Variants in DOCK10 observed in about 807,000 individuals in gnomAD.
The protein encoded by DOCK10 is dedicator of cytokinesis 10.
A neutral mutation model predicts 280.1 loss-of-function variants in DOCK10; 145 were observed. The ratio of observed to expected loss-of-function variants is 0.52; its 90% confidence interval spans 0.45 to 0.59. The LOEUF is 0.59. Among genes scored for constraint, DOCK10 ranks in the 20% least tolerant of loss-of-function variants. DOCK10 has a pLI of 0.00. For synonymous variants in DOCK10, 915 were observed against 942.2 expected (o/e 0.97, Z 0.53); for missense variants, 2,368 against 2,651.7 (o/e 0.89, Z 2.35).
At chr2:224,854,831 A>T in intron 16 of DOCK10, 132 bp downstream of exon 16, 1 of 612,514 alleles carries the variant, frequency 1.6e-6, no homozygotes, top group Non-Finnish European at 2.8e-6. Flanking sequence ...AAAAAAACCC[A>T]AAACCTTGTA....
At chr2:224,801,282 C>CAAAAAAAAAAAAA (rs3083075) in intron 40 of DOCK10, among the ~76,000 whole-genome samples, 1 of 74,646 alleles carries the variant, frequency 1.3e-5, no homozygotes, top group Non-Finnish European at 2.5e-5. Flanking sequence ...CAAGACATGG[C>CAAAAAAAAAAAAA]AAAAAAAAAA....
At chr2:225,027,864 A>C (rs1459544984) in intron 1 of DOCK10, among the ~76,000 whole-genome samples, 1 of 152,204 alleles carries the variant, frequency 6.6e-6, no homozygotes, top group East Asian at 1.9e-4. Flanking sequence ...CTAATTTTAC[A>C]AGGATAAAAG....
Position 224,874,250 on chromosome 2 carries a change from A to C in DOCK10, c.1101+16T>G. On this transcript the variant is annotated intron_variant, in intron 10 of 55. Coordinates refer to ENST00000258390, the MANE Select transcript of DOCK10 (RefSeq NM_014689.3). ...TGGATCAAGTTCATATCTGCTTAGAAAAAATTTTGACTTACATCTATGTCT... is the reference window on the plus strand; with the variant it reads ...TGGATCAAGTTCATATCTGCTTAGACAAAATTTTGACTTACATCTATGTCT... 1 of 1,610,226 alleles carries C rather than the reference A, an allele frequency of 6.2e-7. No homozygotes were observed. The highest frequency in any genetic ancestry group is 8.5e-7 in the Non-Finnish European group (1 of 1,178,128).
chr2:224,825,013 T>C (rs969631474), intron 27 of DOCK10, among the ~76,000 whole-genome samples: 1 of 147,112 alleles, frequency 6.8e-6, no homozygotes, highest in Non-Finnish European at 1.5e-5. Flanking sequence ...GGAGTTTCGC[T>C]CTGTTGTCCA....
chr2:224,867,263 T>C (rs951264543), intron 11 of DOCK10, among the ~76,000 whole-genome samples: 7 of 152,242 alleles, frequency 4.6e-5, no homozygotes, highest in Non-Finnish European at 8.8e-5. Context: ...GAATGCGGGA[T>C]CTCATTACCA....
At chr2:224,994,801 AAAAT>A (rs1340932940) in intron 1 of DOCK10, among the ~76,000 whole-genome samples, 4 of 152,228 alleles carry the variant, frequency 2.6e-5, no homozygotes, top group Non-Finnish European at 5.9e-5. Flanking sequence ...CACAATGCAT[AAAAT>A]AAATCTGTGT....
chr2:224,858,682 A>G (rs925185755), intron 14 of DOCK10, among the ~76,000 whole-genome samples: 1 of 152,176 alleles, frequency 6.6e-6, no homozygotes, highest in Non-Finnish European at 1.5e-5. Flanking sequence ...TATATCTGGC[A>G]GGAGAAAAAA....
chr2:225,035,105 C>G (rs547232430), intron 1 of DOCK10, among the ~76,000 whole-genome samples: 1 of 152,302 alleles, frequency 6.6e-6, no homozygotes, highest in African/African-American at 2.4e-5. Context: ...GGGACTTCAT[C>G]AAGGGTCACA....
chr2:224,777,235 G>A (rs116496681), intron 51 of DOCK10, among the ~76,000 whole-genome samples: 2,500 of 152,222 alleles, frequency 0.016, 72 homozygotes, highest in African/African-American at 0.057. Context: ...AAAGTATGGC[G>A]TAGTGTGATG....
intron 1 of DOCK10, among the ~76,000 whole-genome samples, chr2:225,012,260 C>T (rs1044043247): frequency 6.6e-6 from 1 of 152,136 alleles, no homozygotes; most frequent in African/African-American, 2.4e-5. Flanking sequence ...CTGGACCAGA[C>T]TGAAATGAAC....
intron 11 of DOCK10, among the ~76,000 whole-genome samples, chr2:224,871,813 T>C (rs1698307402): frequency 1.3e-5 from 2 of 152,194 alleles, no homozygotes; most frequent in African/African-American, 4.8e-5. Flanking sequence ...AGTAACCCTT[T>C]CCTGAATTCC....
At chr2:224,979,154 C>T (rs1705614899) in intron 1 of DOCK10, among the ~76,000 whole-genome samples, 1 of 152,214 alleles carries the variant, frequency 6.6e-6, no homozygotes, top group South Asian at 2.1e-4. Context: ...TTCCCTGCTT[C>T]AGGACCTCCC....
In DOCK10 at chr2:224,793,471, G is replaced by T. The variant is rs1372416692; in HGVS notation, c.5155-14C>A. On this transcript the variant is annotated splice_polypyrimidine_tract_variant and intron_variant, in intron 45 of 55. Coordinates refer to ENST00000258390, the MANE Select transcript of DOCK10 (RefSeq NM_014689.3). ...ACACATGGCAGCCTGTAATGAGAAA[G>T]AAAATAAAGAGGCTCAGGGGATGGA... is the stretch of plus-strand genomic sequence containing the variant. 1.9e-6 allele frequency: 3 copies of T among 1,610,212 alleles called. No individual in the cohort carries two copies. Among genetic ancestry groups the T allele is most frequent in the Non-Finnish European group, 2.5e-6 (3 of 1,177,224 alleles).
intron 1 of DOCK10, among the ~76,000 whole-genome samples, chr2:224,998,087 G>T (rs1223410589): frequency 6.6e-6 from 1 of 152,124 alleles, no homozygotes. Flanking sequence ...AGGAACACAT[G>T]CCCGTATTTC....
At chr2:224,959,509 C>G (rs1006608856) in intron 1 of DOCK10, among the ~76,000 whole-genome samples, 1 of 149,572 alleles carries the variant, frequency 6.7e-6, no homozygotes, top group Non-Finnish European at 1.5e-5. Context: ...GCTCCTCTTT[C>G]TCCACATTTA....
intron 18 of DOCK10, among the ~76,000 whole-genome samples, chr2:224,851,461 A>T (rs370347053): frequency 1.0e-4 from 14 of 138,052 alleles, no homozygotes; most frequent in South Asian, 4.5e-4. Flanking sequence ...TTTTTTTTAA[A>T]AAAAAAAAAA....
intron 51 of DOCK10, among the ~76,000 whole-genome samples, chr2:224,775,637 A>C (rs541316748): frequency 1.3e-4 from 20 of 152,104 alleles, no homozygotes; most frequent in Admixed American, 3.3e-4. Context: ...CACCACACCT[A>C]GCTAATTTTT....
In DOCK10 at chr2:225,035,541, AT is replaced by A. The variant is rs1296639820; in HGVS notation, c.123+6710del. On this transcript the variant is annotated intron_variant, in intron 1 of 55. Coordinates refer to ENST00000258390, the MANE Select transcript of DOCK10 (RefSeq NM_014689.3). ...ATAGATCTTATATGATATGATATAT[AT>A]TATATATATATATATATATATATAT... Among the ~76,000 whole-genome samples the A allele has an allele frequency of 2.8e-4, 15 of 53,544 alleles. 1 individual carries two copies. The South Asian group carries it at 3.1e-3, about 11-fold the overall frequency. The allele number at this position is 53,544 out of a possible 152,430, so 35.1% of individuals were successfully genotyped here.
At chr2:225,014,866 T>C (rs967410351) in intron 1 of DOCK10, among the ~76,000 whole-genome samples, 2 of 152,224 alleles carry the variant, frequency 1.3e-5, no homozygotes, top group African/African-American at 4.8e-5. Context: ...TGATTTCTAA[T>C]TGGTCGTTAA....
Sources: gnomAD v4.1 joint callset for allele counts (sites outside exome capture counted in the v4.1 genomes callset) on GRCh38, gnomAD v4.1.1 for gene constraint, MANE v1.5 for transcripts, NCBI Gene and HGNC (gene_info 2026-07-23, HGNC 2026-07-21) for gene names.